PCDH15: variants seen among roughly 807,000 people sequenced by gnomAD.
PCDH15 encodes protocadherin related 15.
PCDH15 carries 129 observed loss-of-function variants against 178.5 expected under a neutral mutation model. The observed-to-expected ratio is 0.72, with a 90% CI of 0.63 to 0.84. PCDH15 has a LOEUF of 0.84. Ranked by LOEUF, PCDH15 falls within the 40% of genes least tolerant of loss-of-function variation. The pLI is 0.00. For synonymous variants in PCDH15, 800 were observed against 732.0 expected (o/e 1.09, Z -1.50); for missense variants, 2,230 against 2,099.9 (o/e 1.06, Z -1.21).
chr10:54,861,240 G>GA (rs1953837433), intron 3 of PCDH15, among the ~76,000 whole-genome samples: 1 of 151,526 alleles, frequency 6.6e-6, no homozygotes, highest in Non-Finnish European at 1.5e-5. Context: ...GATTAACCAA[G>GA]AAAAAAAGAA....
intron 1 of PCDH15, among the ~76,000 whole-genome samples, chr10:54,710,416 G>T (rs1278133386): frequency 1.3e-5 from 2 of 152,060 alleles, no homozygotes; most frequent in African/African-American, 4.8e-5. Context: ...TTTACTGTAG[G>T]TTAAATTTCT....
intron 1 of PCDH15, chr10:55,248,018 ATTTG>A (rs1341351055): frequency 4.2e-5 from 6 of 141,664 alleles, no homozygotes; most frequent in East Asian, 2.0e-4. Context: ...ACAGAAACTC[ATTTG>A]TTTATTTCTA....
At chr10:54,891,470 A>T (rs570200607) in intron 3 of PCDH15, among the ~76,000 whole-genome samples, 132 of 152,248 alleles carry the variant, frequency 8.7e-4, no homozygotes, top group Admixed American at 1.8e-3. Flanking sequence ...GGTGAATAAA[A>T]GTGTGGTCTC....
intron 20 of PCDH15, among the ~76,000 whole-genome samples, chr10:54,015,802 G>T (rs922166016): frequency 1.3e-5 from 2 of 151,916 alleles, no homozygotes; most frequent in Non-Finnish European, 2.9e-5. Flanking sequence ...AAAACACAAA[G>T]ATAACCTCGG....
chr10:55,227,289 T>C (rs1348344160), intron 1 of PCDH15, among the ~76,000 whole-genome samples: 1 of 152,128 alleles, frequency 6.6e-6, no homozygotes, highest in Non-Finnish European at 1.5e-5. Context: ...TAAATTTACA[T>C]GTAAAACCAA....
At chr10:54,310,973 A>G (rs1228161151) in intron 8 of PCDH15, among the ~76,000 whole-genome samples, 2 of 152,112 alleles carry the variant, frequency 1.3e-5, no homozygotes, top group Non-Finnish European at 1.5e-5. Context: ...AGAAGAAATG[A>G]TAAGTGTTGT....
At chr10:54,588,372 T>C (rs2091646044) in intron 2 of PCDH15, among the ~76,000 whole-genome samples, 1 of 152,210 alleles carries the variant, frequency 6.6e-6, no homozygotes, top group Non-Finnish European at 1.5e-5. Context: ...ACATTAGCTT[T>C]GGTAAAACTA....
chr10:53,874,843 T>A (rs1323430777), intron 26 of PCDH15, among the ~76,000 whole-genome samples: 1 of 151,980 alleles, frequency 6.6e-6, no homozygotes, highest in African/African-American at 2.4e-5. Context: ...TAAAGAGCTT[T>A]AAAATGCGGA....
intron 2 of PCDH15, among the ~76,000 whole-genome samples, chr10:55,048,756 A>T (rs1841078691): frequency 6.6e-6 from 1 of 151,942 alleles, no homozygotes; most frequent in East Asian, 1.9e-4. Context: ...AAACCTAGAA[A>T]TGATATTTAT....
At chr10:54,728,240 T>G (rs912963884) in intron 1 of PCDH15, among the ~76,000 whole-genome samples, 4 of 151,360 alleles carry the variant, frequency 2.6e-5, no homozygotes, top group Non-Finnish European at 5.9e-5. Context: ...ACCAAAATTA[T>G]GAAGGCTTTA....
intron 3 of PCDH15, among the ~76,000 whole-genome samples, chr10:54,489,845 TTTGCTTGC>T (rs963497224): frequency 6.6e-5 from 10 of 152,068 alleles, no homozygotes; most frequent in Admixed American, 5.2e-4. Context: ...CAGGTTAAGA[TTTGCTTGC>T]TTGCTTGCTT....
intron 23 of PCDH15, among the ~76,000 whole-genome samples, chr10:53,944,254 A>G (rs1272624590): frequency 6.6e-6 from 1 of 152,142 alleles, no homozygotes. Flanking sequence ...ATTTTTTTAA[A>G]GCATCAATGA....
chr10:54,520,548 A>C (rs920465125), intron 3 of PCDH15, among the ~76,000 whole-genome samples: 1 of 152,168 alleles, frequency 6.6e-6, no homozygotes, highest in Non-Finnish European at 1.5e-5. Context: ...AGCAATCATT[A>C]AAAAGTCAGG....
At chr10:54,877,634 A>G (rs961179992) in intron 3 of PCDH15, among the ~76,000 whole-genome samples, 6 of 152,270 alleles carry the variant, frequency 3.9e-5, no homozygotes, top group Admixed American at 3.9e-4. Context: ...ATATGCACAT[A>G]CAAACTAGTT....
At chr10:54,412,717 T>G (rs1377156386) in intron 3 of PCDH15, among the ~76,000 whole-genome samples, 5 of 152,142 alleles carry the variant, frequency 3.3e-5, no homozygotes, top group Admixed American at 6.5e-5. Context: ...TTGCATTGTT[T>G]TTGTTGCTGT....
At chr10:54,253,749 G>C (rs543611040) in intron 8 of PCDH15, among the ~76,000 whole-genome samples, 1 of 152,054 alleles carries the variant, frequency 6.6e-6, no homozygotes, top group South Asian at 2.1e-4. Flanking sequence ...GGTAATGCTT[G>C]CTATAAATTA....
Position 54,307,112 on chromosome 10 carries a change from A to G in PCDH15, c.876+10159T>C, listed in dbSNP as rs1200955199. The stretch of plus-strand genomic sequence containing the variant: ...TATATATGTGTGTGTGTGTATATAT[A>G]TATATATATATATATATATATATAT... On this transcript the variant is annotated intron_variant, in intron 8 of 37. Transcript: ENST00000644397. Among the ~76,000 whole-genome samples, 115 of 34,948 alleles carry G rather than the reference A, an allele frequency of 3.3e-3. 12 individuals carry two copies. The highest frequency in any genetic ancestry group is 4.4e-3 in the African/African-American group (40 of 9,092). The allele number at this position is 34,948 out of a possible 152,430, so 22.9% of individuals were successfully genotyped here.
chr10:54,869,380 G>T (rs1210416206), intron 3 of PCDH15, among the ~76,000 whole-genome samples: 1 of 152,076 alleles, frequency 6.6e-6, no homozygotes, highest in Non-Finnish European at 1.5e-5. Context: ...ATAAATAAGG[G>T]AATAAATTTC....
At chr10:55,500,806 T>C (rs1167988302) in intron 2 of PCDH15, among the ~76,000 whole-genome samples, 1 of 151,824 alleles carries the variant, frequency 6.6e-6, no homozygotes, top group East Asian at 1.9e-4. Flanking sequence ...TTTGCTTCTA[T>C]GACTTTTAAC....
Sources: gnomAD v4.1 joint callset for allele counts (sites outside exome capture counted in the v4.1 genomes callset) on GRCh38, gnomAD v4.1.1 for gene constraint, MANE v1.5 for transcripts, NCBI Gene and HGNC (gene_info 2026-07-23, HGNC 2026-07-21) for gene names.